The following TAOK3 variants were observed in gnomAD, a reference collection of about 807,000 sequenced individuals.
The protein encoded by TAOK3 is TAO kinase 3.
TAOK3 carries 40 observed loss-of-function variants against 120.4 expected under a neutral mutation model. The ratio of observed to expected loss-of-function variants is 0.33; its 90% CI spans 0.26 to 0.43. The LOEUF (loss-of-function observed/expected upper bound fraction) is 0.43, where lower values mean the gene tolerates loss of function less well. Among genes scored for constraint, TAOK3 ranks in the 20% least tolerant of loss-of-function variants. TAOK3 has a pLI of 1.00. For synonymous variants in TAOK3, 355 were observed against 387.5 expected (o/e 0.92, Z 0.99); for missense variants, 821 against 1,112.1 (o/e 0.74, Z 3.72).
intron 9 of TAOK3, among the ~76,000 whole-genome samples, chr12:118,217,463 A>G (rs1040148655): frequency 6.6e-6 from 1 of 152,064 alleles, no homozygotes; most frequent in African/African-American, 2.4e-5. Context: ...AAGCGGGCAG[A>G]TCACCTGAGG....
chr12:118,241,102 C>T (rs1002501584), intron 5 of TAOK3, among the ~76,000 whole-genome samples: 5 of 149,732 alleles, frequency 3.3e-5, no homozygotes, highest in Non-Finnish European at 7.4e-5. Context: ...ATGATTATGT[C>T]TTATATTTTA....
At chr12:118,189,572 AC>A (rs2037303671) in intron 14 of TAOK3, among the ~76,000 whole-genome samples, 1 of 38,808 alleles carries the variant, frequency 2.6e-5, no homozygotes, top group Non-Finnish European at 5.2e-5. Context: ...ACACACACAC[AC>A]ACACAAAGGT....
Position 118,150,956 on chromosome 12 carries a change from CTTTTTTTTTTTTT to C in TAOK3, c.*28_*40del. 8.0e-7 allele frequency: 1 copy of C among 1,255,372 alleles called. No homozygotes were observed. Among genetic ancestry groups the C allele is most frequent in the Non-Finnish European group, 1.1e-6 (1 of 943,808 alleles). 77.8% of individuals were successfully genotyped at this position (1,255,372 alleles called of 1,614,324 possible). On this transcript the variant is annotated 3_prime_UTR_variant, in exon 21 of 21. Coordinates refer to ENST00000392533, the MANE Select transcript of TAOK3 (RefSeq NM_016281.4). Reference sequence around the variant, plus strand: ...CAGGGTCTGAATTTTTTTCTGTTTTCTTTTTTTTTTTTTTTTTTGTAAATGGCAAAAAATTTAA... The same window carrying C: ...CAGGGTCTGAATTTTTTTCTGTTTTCTTTTTGTAAATGGCAAAAAATTTAA...
intron 19 of TAOK3, among the ~76,000 whole-genome samples, chr12:118,158,836 G>A (rs1421805936): frequency 1.3e-5 from 2 of 152,050 alleles, no homozygotes; most frequent in Non-Finnish European, 2.9e-5. Flanking sequence ...CTATCCTCCC[G>A]CTTTCCCTCA....
chr12:118,282,640 C>T (rs1484696398), intron 1 of TAOK3, among the ~76,000 whole-genome samples: 2 of 152,142 alleles, frequency 1.3e-5, no homozygotes, highest in Non-Finnish European at 2.9e-5. Flanking sequence ...AATGGGTAGG[C>T]CCCTAGGGAG....
rs773576098 is a variant in TAOK3, at chr12:118,151,013, T to C, written c.2681A>G (p.Lys894Arg). ...FGNLVTLDFP[K>R]EDYR The stretch of plus-strand genomic sequence containing the variant: ...AATTTAATCTCATCTGTAGTCCTCC[T>C]TAGGAAAATCTAATGTAACCAAATT... The change falls in exon 21 of 21, where the codon AAG (lysine) becomes AGG (arginine). Residue 894 changes from lysine (K) to arginine (R), a missense_variant. This residue lies in a region of TAOK3 where 354 missense variants were observed against 572.1 expected (regional missense o/e 0.62). Coordinates refer to ENST00000392533, the MANE Select transcript of TAOK3 (RefSeq NM_016281.4). 6.2e-7 allele frequency: 1 copy of C among 1,611,278 alleles called. No homozygotes were observed. Among genetic ancestry groups the C allele is most frequent in the South Asian group, 1.1e-5 (1 of 90,978 alleles).
intron 1 of TAOK3, among the ~76,000 whole-genome samples, chr12:118,309,521 CT>C (rs1017444393): frequency 5.5e-4 from 80 of 144,468 alleles, no homozygotes; most frequent in Middle Eastern, 3.5e-3. Flanking sequence ...GTTTTCTTTC[CT>C]TTTTTTTTTT....
chr12:118,293,887 C>T (rs1278875272), intron 1 of TAOK3, among the ~76,000 whole-genome samples: 2 of 149,800 alleles, frequency 1.3e-5, no homozygotes, highest in Non-Finnish European at 3.0e-5. Context: ...TGGTGGCGCA[C>T]GCCTGTAATC....
At chr12:118,219,403 C>T (rs770799358) in intron 9 of TAOK3, among the ~76,000 whole-genome samples, 3 of 151,806 alleles carry the variant, frequency 2.0e-5, no homozygotes, top group Non-Finnish European at 2.9e-5. Flanking sequence ...GGCTAATTCT[C>T]GACAATCCTT....
At chr12:118,277,462 T>C (rs1031910562) in intron 1 of TAOK3, among the ~76,000 whole-genome samples, 1 of 151,916 alleles carries the variant, frequency 6.6e-6, no homozygotes, top group Non-Finnish European at 1.5e-5. Flanking sequence ...TGATCCACCA[T>C]GTATTTTTTT....
intron 1 of TAOK3, among the ~76,000 whole-genome samples, chr12:118,353,528 CA>C (rs2045264896): frequency 6.6e-6 from 1 of 151,870 alleles, no homozygotes; most frequent in Admixed American, 6.6e-5. Context: ...TAGTGGAAAA[CA>C]GGGAACCACT....
chr12:118,335,265 T>G (rs1233000423), intron 1 of TAOK3, among the ~76,000 whole-genome samples: 1 of 150,992 alleles, frequency 6.6e-6, no homozygotes, highest in Non-Finnish European at 1.5e-5. Flanking sequence ...AAAGAAGAGA[T>G]AAATCACTAA....
intron 1 of TAOK3, among the ~76,000 whole-genome samples, chr12:118,293,447 G>T (rs1037217016): frequency 6.6e-6 from 1 of 152,082 alleles, no homozygotes; most frequent in African/African-American, 2.4e-5. Context: ...GGGAGGCTGA[G>T]GTGGGTGGAT....
intron 1 of TAOK3, among the ~76,000 whole-genome samples, chr12:118,330,269 T>C (rs1372582667): frequency 6.6e-6 from 1 of 152,226 alleles, no homozygotes; most frequent in Non-Finnish European, 1.5e-5. Context: ...TCAAAGTTGT[T>C]TGCTTAAGTT....
intron 1 of TAOK3, among the ~76,000 whole-genome samples, chr12:118,320,186 A>G (rs1199011614): frequency 6.6e-6 from 1 of 152,198 alleles, no homozygotes; most frequent in African/African-American, 2.4e-5. Context: ...GCCTAGGCAG[A>G]GAGGGGGAAA....
intron 1 of TAOK3, among the ~76,000 whole-genome samples, chr12:118,291,277 C>CTT (rs1456335087): frequency 1.3e-5 from 2 of 151,788 alleles, no homozygotes; most frequent in African/African-American, 2.4e-5. Flanking sequence ...CTGCCTCAGC[C>CTT]TTCCGAGTAG....
intron 2 of TAOK3, among the ~76,000 whole-genome samples, chr12:118,259,826 G>A (rs947153381): frequency 6.6e-6 from 1 of 152,086 alleles, no homozygotes; most frequent in Non-Finnish European, 1.5e-5. Context: ...AAATAGAAGA[G>A]AGCAGCAGAG....
rs1459949719 is a variant in TAOK3, at chr12:118,241,042, T to G, written c.295-1770A>C. 5.4e-5 allele frequency among the ~76,000 whole-genome samples: 8 copies of G among 149,448 alleles called. No individual in the cohort carries two copies. The Admixed American group carries it at 5.4e-4, about 10-fold the overall frequency. ...TATACTGTGTCTATATTATATAGAA[T>G]GCAATTAAATTAGATATAACATACT... is the stretch of plus-strand genomic sequence containing the variant. On this transcript the variant is annotated intron_variant, in intron 5 of 20. Transcript: ENST00000392533.
intron 1 of TAOK3, among the ~76,000 whole-genome samples, chr12:118,311,658 A>G (rs2043268223): frequency 6.6e-6 from 1 of 152,132 alleles, no homozygotes. Context: ...CTATGTAAAG[A>G]TAGTATTTAA....
Sources: gnomAD v4.1 joint callset for allele counts (sites outside exome capture counted in the v4.1 genomes callset) on GRCh38, gnomAD v4.1.1 for gene constraint, gnomAD v4.1.1 regional missense constraint, MANE v1.5 for transcripts, NCBI Gene and HGNC (gene_info 2026-07-23, HGNC 2026-07-21) for gene names.